The following MYO9A variants were observed in gnomAD, a reference collection of about 807,000 sequenced individuals.
MYO9A encodes the protein myosin IXA, also known as unconventional myosin-IXa.
MYO9A carries 103 observed loss-of-function variants against 293.3 expected under a neutral mutation model. The observed-to-expected ratio is 0.35, with a 90% CI of 0.30 to 0.41. The LOEUF (loss-of-function observed/expected upper bound fraction) is 0.41. MYO9A is among the 10% of genes least tolerant of loss of function. The pLI, the probability that MYO9A is intolerant of heterozygous loss-of-function variation, is 1.00. For synonymous variants in MYO9A, 1,001 were observed against 1,035.7 expected, an observed-to-expected ratio of 0.97 and a Z score of 0.64; for missense variants, 2,685 against 3,033.0, an observed-to-expected ratio of 0.89 and a Z score of 2.69.
At chr15:72,024,591 C>T (rs1184004849) in intron 4 of MYO9A, among the ~76,000 whole-genome samples, 4 of 152,088 alleles carry the variant, frequency 2.6e-5, no homozygotes, top group Non-Finnish European at 4.4e-5. Flanking sequence ...ATGTATAACA[C>T]TTTTTTCCTA....
chr15:71,964,772 T>G (rs1348792514), intron 13 of MYO9A, among the ~76,000 whole-genome samples: 1 of 150,270 alleles, frequency 6.7e-6, no homozygotes. Context: ...GGTGACAGAG[T>G]GAGACTCCAT....
Position 72,060,394 on chromosome 15 carries a change from AAAAAAT to A in MYO9A, c.-71-13766_-71-13761del, listed in dbSNP as rs1462577601. On this transcript the variant is annotated intron_variant, in intron 1 of 41. Transcript: ENST00000356056. Reference sequence around the variant, plus strand: ...AATAAATCTAGTCTTATTAGAAAATAAAAAATAAAAATAAAAAATAAATAAAAAATA... The same window carrying A: ...AATAAATCTAGTCTTATTAGAAAATAAAAAATAAAAAATAAATAAAAAATA... 4.1e-4 allele frequency among the ~76,000 whole-genome samples: 62 copies of A among 152,106 alleles called. 1 individual carries two copies. Among genetic ancestry groups the A allele is most frequent in the African/African-American group, 1.4e-3 (57 of 41,566 alleles).
chr15:72,111,335 C>T (rs758168075), intron 1 of MYO9A, among the ~76,000 whole-genome samples: 3 of 145,428 alleles, frequency 2.1e-5, no homozygotes, highest in Non-Finnish European at 4.5e-5. Context: ...ACTAAAAATA[C>T]AAAATTAGCC....
At position 72,051,924 on chromosome 15, in the gene MYO9A, T is replaced by C. The variant is rs1274732327; in HGVS notation, c.-71-5290A>G. Among the ~76,000 whole-genome samples the C allele has an allele frequency of 2.6e-5, 4 of 152,186 alleles. No homozygotes were observed. The East Asian group carries it at 7.7e-4, about 29-fold the overall frequency. On this transcript the variant is annotated intron_variant, in intron 1 of 41. Transcript: ENST00000356056. The stretch of plus-strand genomic sequence containing the variant: ...TTCAAGCCAGGGAAGGCCTGAAGCC[T>C]GGGGACCAGGCTTTCCATTGGCACC...
In MYO9A at chr15:71,899,954, T is replaced by C. The variant is rs1313070666; in HGVS notation, c.3203A>G (p.Gln1068Arg). ...NQKQVRDAAV[Q>R]KDAFVMASAA... ...ACTAGCCATAACAAAAGCATCCTTC[T>C]GCACAGCTGCATCTCTGACTTGCTT... Residue 1068 changes from glutamine (Q) to arginine (R), a missense_variant, in exon 24 of 42, where the codon CAG becomes CGG. Gln to Arg is a conservative substitution (Grantham distance 43). Around this residue, in one of 10 missense-constraint regions of MYO9A, gnomAD observed 1,434 missense variants for 1,497.7 expected, o/e 0.96. Coordinates refer to ENST00000356056, the MANE Select transcript of MYO9A (RefSeq NM_006901.4). 1.9e-6 allele frequency: 3 copies of C among 1,613,862 alleles called. No individual in the cohort carries two copies. Among genetic ancestry groups the C allele is most frequent in the South Asian group, 2.2e-5 (2 of 91,062 alleles).
chr15:71,828,246 A>G (rs1050624081), intron 40 of MYO9A, among the ~76,000 whole-genome samples: 2 of 152,178 alleles, frequency 1.3e-5, no homozygotes, highest in Non-Finnish European at 2.9e-5. Flanking sequence ...TCTAGGACCA[A>G]TAATAGGGGT....
chr15:71,876,935 T>C (rs2056712850), intron 31 of MYO9A, among the ~76,000 whole-genome samples: 1 of 152,198 alleles, frequency 6.6e-6, no homozygotes, highest in Non-Finnish European at 1.5e-5. Flanking sequence ...CTACTAAGAA[T>C]CTTCTTCAGC....
At chr15:72,071,878 C>T (rs1361375973) in intron 1 of MYO9A, among the ~76,000 whole-genome samples, 1 of 152,028 alleles carries the variant, frequency 6.6e-6, no homozygotes, top group East Asian at 1.9e-4. Flanking sequence ...TACTGAGTAT[C>T]TACCCAAAGG....
intron 1 of MYO9A, among the ~76,000 whole-genome samples, chr15:72,080,062 T>A (rs915174671): frequency 3.3e-5 from 5 of 152,220 alleles, no homozygotes; most frequent in African/African-American, 1.2e-4. Flanking sequence ...CTACAAAGAC[T>A]GTATTTCCAT....
intron 39 of MYO9A, among the ~76,000 whole-genome samples, 172 bp downstream of exon 39, chr15:71,848,673 A>G (rs960589099): frequency 6.6e-6 from 1 of 152,236 alleles, no homozygotes; most frequent in Non-Finnish European, 1.5e-5. Context: ...ATGTAACTAA[A>G]GAGAGCCAGC....
chr15:71,895,006 TA>T (rs1280530197), intron 25 of MYO9A, among the ~76,000 whole-genome samples: 1 of 152,228 alleles, frequency 6.6e-6, no homozygotes, highest in Non-Finnish European at 1.5e-5. Flanking sequence ...ATCTTTCATT[TA>T]ATTTTTATAA....
At chr15:71,849,104 C>T in intron 38 of MYO9A, 136 bp from the exon 39 acceptor site, 1 of 879,962 alleles carries the variant, frequency 1.1e-6, no homozygotes, top group Non-Finnish European at 1.6e-6. Flanking sequence ...AACTCAGAGA[C>T]AAGGTTTAGA....
Position 71,899,996 on chromosome 15 carries a change from C to T in MYO9A, c.3161G>A (p.Arg1054Lys). Residue 1054 changes from arginine (R) to lysine (K), a missense_variant, in exon 24 of 42, where the codon AGG (arginine) becomes AAG (lysine). By Grantham distance (26) the Arg-to-Lys change is conservative. Coordinates refer to ENST00000356056, the MANE Select transcript of MYO9A (RefSeq NM_006901.4). Reference protein sequence around the residue: ...QASVIIQRFWRNYLNQKQVRD... With the variant: ...QASVIIQRFWKNYLNQKQVRD... ...GACTTGCTTCTGATTTAGGTAATTC[C>T]TCCAGAATCTCTATGGGGAAGACAA... The T allele has an allele frequency of 6.2e-7, 1 of 1,606,324 alleles. No homozygotes were observed. The highest frequency in any genetic ancestry group is 1.3e-5 in the African/African-American group (1 of 74,876).
intron 18 of MYO9A, among the ~76,000 whole-genome samples, chr15:71,930,829 C>T (rs2058454797): frequency 6.6e-6 from 1 of 152,086 alleles, no homozygotes; most frequent in African/African-American, 2.4e-5. Context: ...GTATGACTTC[C>T]ATCCTTTTAT....
At chr15:71,951,465 A>G (rs1159330835) in intron 15 of MYO9A, among the ~76,000 whole-genome samples, 1 of 152,002 alleles carries the variant, frequency 6.6e-6, no homozygotes, top group Non-Finnish European at 1.5e-5. Flanking sequence ...AGCAGGAAAG[A>G]AAACATTGTT....
chr15:72,005,098 G>A (rs1008526570), intron 8 of MYO9A, among the ~76,000 whole-genome samples: 1 of 152,100 alleles, frequency 6.6e-6, no homozygotes, highest in Non-Finnish European at 1.5e-5. Context: ...CTAAAGATGG[G>A]ATAGGTATCT....
chr15:71,956,330 A>AAAAAAAAAAAATATAT (rs10642655), intron 14 of MYO9A, among the ~76,000 whole-genome samples: 1 of 75,584 alleles, frequency 1.3e-5, no homozygotes, highest in African/African-American at 6.0e-5. Flanking sequence ...AAAAAAAAAA[A>AAAAAAAAAAAATATAT]ATATATATAT....
In MYO9A at chr15:71,864,531, A is replaced by G. The variant is rs534792936; in HGVS notation, c.5980-1920T>C. Reference sequence around the variant, plus strand: ...ACGTCCAAGAAAAAACCTGTACGTAACTGTTCATAGTGGCATTATTCATGG... The same window carrying G: ...ACGTCCAAGAAAAAACCTGTACGTAGCTGTTCATAGTGGCATTATTCATGG... On this transcript the variant is annotated intron_variant, in intron 32 of 41. Transcript: ENST00000356056. 2.0e-5 allele frequency among the ~76,000 whole-genome samples: 3 copies of G among 152,314 alleles called. No homozygotes were observed. In the South Asian group the frequency reaches 6.2e-4, roughly 32 times the overall value.
rs142432028 is a variant in MYO9A at position 71,981,641 on chromosome 15, GTCTC to G, written c.1723-3353_1723-3350del. 5.4e-3 allele frequency among the ~76,000 whole-genome samples: 779 copies of G among 144,440 alleles called. 4 individuals are homozygous for G. Among genetic ancestry groups the G allele is most frequent in the South Asian group, 0.011 (47 of 4,464 alleles). 94.8% of individuals were successfully genotyped at this position (144,440 alleles called of 152,430 possible). ...TTATTTATATCCCTCTCTCTGTCTT[GTCTC>G]TCTCTCTCTCTCTCTCTCTCTCTCT... On this transcript the variant is annotated intron_variant, in intron 11 of 41. Transcript: ENST00000356056.
Sources: gnomAD v4.1 joint callset for allele counts (sites outside exome capture counted in the v4.1 genomes callset) on GRCh38, gnomAD v4.1.1 for gene constraint, gnomAD v4.1.1 regional missense constraint, MANE v1.5 for transcripts, NCBI Gene and HGNC (gene_info 2026-07-23, HGNC 2026-07-21) for gene names.